The following ELF2 variants were observed in gnomAD, a reference collection of about 807,000 sequenced individuals.
ELF2 encodes ETS-related transcription factor Elf-2.
In ELF2, 11 loss-of-function variants were observed where a neutral mutation model predicts 54.8. That is an observed-to-expected ratio of 0.20 (90% CI 0.13 to 0.33). The LOEUF (loss-of-function observed/expected upper bound fraction) is 0.33. Among genes scored for constraint, ELF2 ranks in the 10% least tolerant of loss-of-function variants. The pLI, the probability that ELF2 is intolerant of heterozygous loss-of-function variation, is 1.00. For missense variants in ELF2, 513 were observed against 703.0 expected (o/e 0.73, Z 3.06); for synonymous variants, 203 against 245.1 (o/e 0.83, Z 1.61).
chr4:139,119,315 G>A (rs1164240748), intron 4 of ELF2, among the ~76,000 whole-genome samples: 1 of 152,102 alleles, frequency 6.6e-6, no homozygotes, highest in African/African-American at 2.4e-5. Flanking sequence ...AGCTTTAGTT[G>A]TACTAGATAT....
intron 4 of ELF2, chr4:139,084,408 T>G: frequency 4.4e-6 from 6 of 1,374,092 alleles, no homozygotes; most frequent in East Asian, 2.9e-5. Context: ...CCCCACCACC[T>G]AACGGCAGGG....
At chr4:139,176,647 C>G (rs1328029150) in intron 1 of ELF2, among the ~76,000 whole-genome samples, 1 of 152,058 alleles carries the variant, frequency 6.6e-6, no homozygotes, top group Non-Finnish European at 1.5e-5. Flanking sequence ...CTCGGCCCAT[C>G]CCCCCCGCCG....
intron 4 of ELF2, among the ~76,000 whole-genome samples, chr4:139,098,586 A>G (rs1455668253): frequency 1.3e-5 from 2 of 150,718 alleles, no homozygotes; most frequent in African/African-American, 4.9e-5. Context: ...CTCCTTCCTC[A>G]GCCTCCTGAG....
intron 4 of ELF2, among the ~76,000 whole-genome samples, chr4:139,105,588 T>C (rs576414444): frequency 1.4e-4 from 21 of 152,278 alleles, no homozygotes; most frequent in African/African-American, 5.1e-4. Flanking sequence ...ATAATGATTG[T>C]CAAAAAATGA....
chr4:139,144,142 C>G lies in ELF2; in HGVS notation c.-251-4645G>C, dbSNP rs148768673. 6.3e-3 allele frequency among the ~76,000 whole-genome samples: 960 copies of G among 152,162 alleles called. 12 individuals are homozygous for G. Among genetic ancestry groups the G allele is most frequent in the African/African-American group, 0.022 (924 of 41,500 alleles). The stretch of plus-strand genomic sequence containing the variant: ...AAGAAGGGGCAGGCTGCAGTCTACA[C>G]CATGAGCCAGGTAAAAAACTGTAAG... On this transcript the variant is annotated intron_variant, in intron 1 of 9. Coordinates refer to ENST00000686138, the MANE Select transcript of ELF2 (RefSeq NM_001331036.3).
chr4:139,151,090 A>AAGAAAGAAAGAAAGAAAG (rs1457833969), intron 1 of ELF2, among the ~76,000 whole-genome samples: 4 of 148,664 alleles, frequency 2.7e-5, no homozygotes, highest in Admixed American at 6.7e-5. Context: ...GAAAGAAAGA[A>AAGAAAGAAAGAAAGAAAG]AGAAAAAGAG....
chr4:139,085,813 G>A (rs991726534), intron 4 of ELF2, among the ~76,000 whole-genome samples: 1 of 152,144 alleles, frequency 6.6e-6, no homozygotes, highest in African/African-American at 2.4e-5. Flanking sequence ...GTGGGCCTGT[G>A]CACCTAGCGA....
chr4:139,060,825 G>C, intron 8 of ELF2, 151 bp from the exon 9 acceptor site: 2 of 689,158 alleles, frequency 2.9e-6, no homozygotes, highest in Non-Finnish European at 2.3e-6. Context: ...TTACTGCCTA[G>C]ATTGCTCAAA....
chr4:139,157,846 T>C (rs1740702672), intron 1 of ELF2, among the ~76,000 whole-genome samples: 1 of 152,184 alleles, frequency 6.6e-6, no homozygotes. Context: ...ATGGTGAAAA[T>C]TGAACAGCAA....
chr4:139,149,418 T>A (rs1739621021), intron 1 of ELF2, among the ~76,000 whole-genome samples: 1 of 152,176 alleles, frequency 6.6e-6, no homozygotes, highest in Non-Finnish European at 1.5e-5. Flanking sequence ...GAGACCAGCC[T>A]GGCCAACATG....
At chr4:139,122,556 C>T (rs539762563) in intron 4 of ELF2, among the ~76,000 whole-genome samples, 114 of 152,088 alleles carry the variant, frequency 7.5e-4, no homozygotes, top group Admixed American at 3.5e-3. Context: ...GCCTGGAGTG[C>T]AGTAGCACTA....
At chr4:139,078,896 C>T (rs1730692087) in intron 4 of ELF2, among the ~76,000 whole-genome samples, 1 of 152,032 alleles carries the variant, frequency 6.6e-6, no homozygotes. Context: ...AAATAATACA[C>T]CCATTACTGC....
At position 139,155,704 on chromosome 4, in the gene ELF2, G is replaced by A. The variant is rs188364622; in HGVS notation, c.-251-16207C>T. On this transcript the variant is annotated intron_variant, in intron 1 of 9. Transcript: ENST00000686138. Reference sequence around the variant, plus strand: ...CAAACATTAACACAGCATTTTACAAGGATAGAAAGTAAACTAATGAATTGT... The same window carrying A: ...CAAACATTAACACAGCATTTTACAAAGATAGAAAGTAAACTAATGAATTGT... Among the ~76,000 whole-genome samples, 255 of 152,224 alleles carry A rather than the reference G, an allele frequency of 1.7e-3. 1 individual carries two copies. In the South Asian group the frequency reaches 0.021, roughly 12 times the overall value.
At chr4:139,128,627 T>G (rs1737185216) in intron 3 of ELF2, among the ~76,000 whole-genome samples, 1 of 150,928 alleles carries the variant, frequency 6.6e-6, no homozygotes, top group South Asian at 2.1e-4. Flanking sequence ...GCTCAAACCA[T>G]CCTCCCACCT....
chr4:139,059,531 A>G lies in ELF2; in HGVS notation c.1234T>C (p.Ser412Pro), dbSNP rs1450613785. The G allele has an allele frequency of 6.2e-7, 1 of 1,613,846 alleles. No individual in the cohort carries two copies. ...GQKISTVAVQSVNAGAPLITS... is the reference protein window; with the variant it reads ...GQKISTVAVQPVNAGAPLITS... ...ATTAATGGTGCACCTGCATTAACTG[A>G]CTGAACTGCCACAGTTGAAATTTTC... The change falls in exon 10 of 10, where the codon TCA becomes CCA. Residue 412 changes from serine to proline, a missense_variant. By Grantham distance (74) the Ser-to-Pro change is moderately conservative. Transcript: ENST00000686138.
At chr4:139,171,075 G>C (rs1392378473) in intron 1 of ELF2, among the ~76,000 whole-genome samples, 1 of 152,040 alleles carries the variant, frequency 6.6e-6, no homozygotes, top group Non-Finnish European at 1.5e-5. Context: ...AGGAGCAAAA[G>C]ATCTGAATAG....
At chr4:139,084,316 C>A in intron 4 of ELF2, 2 of 1,581,404 alleles carry the variant, frequency 1.3e-6, no homozygotes, top group Non-Finnish European at 1.7e-6. Flanking sequence ...CACGCACTCG[C>A]ACACACTCCG....
intron 1 of ELF2, among the ~76,000 whole-genome samples, chr4:139,174,239 A>AT (rs1742673069): frequency 6.6e-6 from 1 of 150,870 alleles, no homozygotes. Flanking sequence ...AAGAAAATAG[A>AT]TTTTAAAAAA....
At chr4:139,169,857 T>TA (rs3041235) in intron 1 of ELF2, among the ~76,000 whole-genome samples, 8,123 of 129,070 alleles carry the variant, frequency 0.063, 793 homozygotes, top group African/African-American at 0.22. Context: ...ACTCTTGTCT[T>TA]AAAAAAAAAA....
Sources: allele counts gnomAD v4.1 joint callset (sites outside exome capture counted in the v4.1 genomes callset), GRCh38; gene constraint gnomAD v4.1.1; transcripts MANE v1.5; gene names NCBI Gene and HGNC (gene_info 2026-07-23, HGNC 2026-07-21).